The following RYR3 variants were observed in gnomAD, a reference collection of about 807,000 sequenced individuals.
RYR3 encodes brain ryanodine receptor-calcium release channel.
RYR3 carries 207 observed loss-of-function variants against 584.3 expected under a neutral mutation model. That is an observed-to-expected ratio of 0.35 (90% CI 0.32 to 0.40). The LOEUF (loss-of-function observed/expected upper bound fraction) is 0.40, where lower values mean the gene tolerates loss of function less well. RYR3 is among the 10% of genes least tolerant of loss of function. The probability of loss-of-function intolerance (pLI) is 1.00; values close to 1 mark genes in which losing one functional copy is unlikely to be tolerated. For missense variants in RYR3, 5,616 were observed against 6,089.2 expected (o/e 0.92, Z 2.59); for synonymous variants, 2,416 against 2,248.5 (o/e 1.07, Z -2.11).
chr15:33,788,540 G>A, intron 67 of RYR3, 82 bp downstream of exon 67: 1 of 1,525,566 alleles, frequency 6.6e-7, no homozygotes, highest in African/African-American at 1.4e-5. Flanking sequence ...AGATGGTGTT[G>A]GGTTGTTAAC....
intron 27 of RYR3, among the ~76,000 whole-genome samples, chr15:33,641,809 T>A (rs769683270): frequency 1.3e-5 from 2 of 152,220 alleles, no homozygotes; most frequent in Non-Finnish European, 2.9e-5. Context: ...CCATGGAGTG[T>A]GCAACTCTCC....
chr15:33,799,600 T>C (rs2075810884), intron 67 of RYR3, among the ~76,000 whole-genome samples: 1 of 152,242 alleles, frequency 6.6e-6, no homozygotes, highest in Non-Finnish European at 1.5e-5. Flanking sequence ...CTTGGTTGTG[T>C]CCTTTATAAT....
chr15:33,435,080 A>C (rs2045545421), intron 1 of RYR3, among the ~76,000 whole-genome samples: 2 of 152,076 alleles, frequency 1.3e-5, no homozygotes, highest in African/African-American at 2.4e-5. Flanking sequence ...TCGACCTCCC[A>C]AAGTGCTGGG....
At chr15:33,862,641 G>GTCTC (rs965224886) in intron 102 of RYR3, among the ~76,000 whole-genome samples, 1 of 152,056 alleles carries the variant, frequency 6.6e-6, no homozygotes, top group Non-Finnish European at 1.5e-5. Context: ...TATTGAGACA[G>GTCTC]TCTCTGTCAC....
chr15:33,684,479 C>T lies in RYR3; in HGVS notation c.5861-11739C>T, dbSNP rs544730833. Among the ~76,000 whole-genome samples, 29 of 152,120 alleles carry T rather than the reference C, an allele frequency of 1.9e-4. 1 individual carries two copies. The highest frequency in any genetic ancestry group is 2.0e-4 in the Admixed American group (3 of 15,282). ...AAAAAAAGGACATCCACACCAAAAC[C>T]CCATCTGTAGGTCACCAGCATCAAA... On this transcript the variant is annotated intron_variant, in intron 38 of 103. Coordinates refer to ENST00000634891, the MANE Select transcript of RYR3 (RefSeq NM_001036.6).
Position 33,854,238 on chromosome 15 carries a change from T to C in RYR3, c.13800-151T>C, listed in dbSNP as rs983458387. ...CAGGCTATGTGATTCAACTGTTCTCTTGTCTCATGGGGAGCACATACAACT... is the reference window on the plus strand; with the variant it reads ...CAGGCTATGTGATTCAACTGTTCTCCTGTCTCATGGGGAGCACATACAACT... On this transcript the variant is annotated intron_variant, in intron 96 of 103. Coordinates refer to ENST00000634891, the MANE Select transcript of RYR3 (RefSeq NM_001036.6). 17 of 637,870 alleles carry C rather than the reference T, an allele frequency of 2.7e-5. 1 individual carries two copies. The highest frequency in any genetic ancestry group is 2.3e-4 in the African/African-American group (12 of 52,724). The allele number at this position is 637,870 out of a possible 1,614,324, so 39.5% of individuals were successfully genotyped here. A position where few individuals can be genotyped will look rare whatever the true frequency, so the allele number is the denominator to read the frequency against.
At chr15:33,420,110 T>C (rs1183282938) in intron 1 of RYR3, among the ~76,000 whole-genome samples, 1 of 152,172 alleles carries the variant, frequency 6.6e-6, no homozygotes, top group Non-Finnish European at 1.5e-5. Context: ...AGACAATAGG[T>C]GACTTTCCAC....
chr15:33,573,702 G>A (rs1399962852), intron 12 of RYR3, among the ~76,000 whole-genome samples: 1 of 152,220 alleles, frequency 6.6e-6, no homozygotes, highest in Non-Finnish European at 1.5e-5. Context: ...AGAATATAGT[G>A]GGACAGGCTA....
At chr15:33,794,614 G>C (rs1027742153) in intron 67 of RYR3, among the ~76,000 whole-genome samples, 1 of 151,938 alleles carries the variant, frequency 6.6e-6, no homozygotes, top group Admixed American at 6.6e-5. Context: ...GTACTTATGC[G>C]GTGTTTGACA....
At chr15:33,805,724 G>A (rs12904769) in intron 69 of RYR3, among the ~76,000 whole-genome samples, 106,325 of 150,854 alleles carry the variant, frequency 0.7, 37,902 homozygotes, top group East Asian at 0.92. Flanking sequence ...TGATCCGCCC[G>A]CCTCGGCCTC....
intron 65 of RYR3, among the ~76,000 whole-genome samples, chr15:33,785,385 C>T (rs2074641188): frequency 6.6e-6 from 1 of 152,164 alleles, no homozygotes; most frequent in South Asian, 2.1e-4. Flanking sequence ...GTCTTAGGAA[C>T]TAACTATCCC....
In RYR3 at chr15:33,670,550, T is replaced by C. The variant is rs2063782543; in HGVS notation, c.5854T>C (p.Cys1952Arg). The C allele has an allele frequency of 6.3e-7, 1 of 1,574,846 alleles. No individual in the cohort carries two copies. ...GCAGCCGACGGAGGAGGAGGAGAGA[T>C]GCCCCAGTAAGTGACATTGCCTTTA... ...KEQPTEEEERCPTTLKELISQ... is the reference protein window; with the variant it reads ...KEQPTEEEERRPTTLKELISQ... Residue 1952 changes from cysteine (C) to arginine (R), a missense_variant, in exon 38 of 104, where the codon TGC (cysteine) becomes CGC (arginine). Cys to Arg is a radical substitution (Grantham distance 180). Coordinates refer to ENST00000634891, the MANE Select transcript of RYR3 (RefSeq NM_001036.6).
intron 102 of RYR3, among the ~76,000 whole-genome samples, chr15:33,862,886 G>C (rs748591556): frequency 6.6e-6 from 1 of 152,204 alleles, no homozygotes; most frequent in Non-Finnish European, 1.5e-5. Context: ...CAAAGTGCTG[G>C]AATTAGAGGC....
chr15:33,864,694 T>G (rs1440669420), intron 103 of RYR3: 1 of 176,820 alleles, frequency 5.7e-6, no homozygotes, highest in African/African-American at 2.4e-5. Flanking sequence ...AGTTATCAAA[T>G]ATTCAAACAT....
At chr15:33,338,832 A>G (rs1971457171) in intron 1 of RYR3, among the ~76,000 whole-genome samples, 1 of 152,186 alleles carries the variant, frequency 6.6e-6, no homozygotes, top group Non-Finnish European at 1.5e-5. Context: ...CATGAACATA[A>G]TGGTGACAAA....
intron 60 of RYR3, among the ~76,000 whole-genome samples, chr15:33,765,741 A>G (rs2072998769): frequency 6.6e-6 from 1 of 152,088 alleles, no homozygotes; most frequent in Non-Finnish European, 1.5e-5. Context: ...AAATATCACC[A>G]TCTTGGGGAG....
chr15:33,349,763 G>A (rs1424175251), intron 1 of RYR3, among the ~76,000 whole-genome samples: 1 of 102,144 alleles, frequency 9.8e-6, no homozygotes, highest in East Asian at 3.0e-4. Flanking sequence ...CCCCACAACA[G>A]TCCCCAGAGT....
In RYR3 at chr15:33,795,630, C is replaced by A. The variant is rs1319678614; in HGVS notation, c.9831-5140C>A. Among the ~76,000 whole-genome samples, 6 of 152,026 alleles carry A rather than the reference C, an allele frequency of 3.9e-5. No homozygotes were observed. In the East Asian group the frequency reaches 1.2e-3, roughly 29 times the overall value. On this transcript the variant is annotated intron_variant, in intron 67 of 103. Coordinates refer to ENST00000634891, the MANE Select transcript of RYR3 (RefSeq NM_001036.6). ...GCTGGTCTTGAAGTCCTGACCTCAG[C>A]TGATCCACCCACCTTGGCCTCCCAA...
chr15:33,523,157 C>T (rs2054131403), intron 3 of RYR3, among the ~76,000 whole-genome samples: 1 of 152,046 alleles, frequency 6.6e-6, no homozygotes, highest in Non-Finnish European at 1.5e-5. Flanking sequence ...CCAATCAGCA[C>T]TCTGTAAAAT....
Sources: allele counts gnomAD v4.1 joint callset (sites outside exome capture counted in the v4.1 genomes callset), GRCh38; gene constraint gnomAD v4.1.1; transcripts MANE v1.5; gene names NCBI Gene and HGNC (gene_info 2026-07-23, HGNC 2026-07-21).